Variants in IQSEC2 observed in about 807,000 individuals in gnomAD.
IQSEC2 encodes IQ motif and Sec7 domain ArfGEF 2, also known as IQ motif and SEC7 domain-containing protein 2.
IQSEC2 carries 6 observed loss-of-function variants against 74.6 expected under a neutral mutation model. The observed-to-expected ratio is 0.08, with a 90% CI of 0.04 to 0.16. The LOEUF (loss-of-function observed/expected upper bound fraction) is 0.16, where lower values mean the gene tolerates loss of function less well. Ranked by LOEUF, IQSEC2 falls within the 10% of genes least tolerant of loss-of-function variation. The probability of loss-of-function intolerance (pLI) is 1.00; values close to 1 mark genes in which losing one functional copy is unlikely to be tolerated. For missense variants in IQSEC2, 734 were observed against 1,306.2 expected, an observed-to-expected ratio of 0.56 and a Z score of 6.75; for synonymous variants, 494 against 544.5, an observed-to-expected ratio of 0.91 and a Z score of 1.29.
At chrX:53,300,256 G>A (rs1036345003) in intron 1 of IQSEC2, among the ~76,000 whole-genome samples, 25 of 111,278 alleles carry the variant, frequency 2.2e-4, no homozygotes, top group African/African-American at 8.2e-4. Context: ...TGAGATTTGG[G>A]AAAGCAACAG....
intron 2 of IQSEC2, among the ~76,000 whole-genome samples, chrX:53,270,454 C>T (rs2074725531): frequency 1.8e-5 from 2 of 110,835 alleles, no homozygotes; most frequent in Non-Finnish European, 3.8e-5. Context: ...TCTGGAACAT[C>T]GTCCCTGAGA....
rs781876521 is a variant in IQSEC2 at position 53,250,919 on chromosome X, G to A, written c.1657C>T (p.Pro553Ser). ...PEFWAPAPLPPVPPPVPSGTR... is the reference protein window; with the variant it reads ...PEFWAPAPLPSVPPPVPSGTR... ...CCTGATGGCACTGGTGGAGGAACTG[G>A]CGGGAGAGGGGCTGGCGCCCAGAAC... The change falls in exon 5 of 15, where the codon CCA becomes TCA. Residue 553 changes from proline (P) to serine (S), a missense_variant. This residue lies in a region of IQSEC2 where 204 missense variants were observed against 305.4 expected (regional missense o/e 0.67). Coordinates refer to ENST00000642864, the MANE Select transcript of IQSEC2 (RefSeq NM_001111125.3). 4 of 1,210,417 alleles carry A rather than the reference G, an allele frequency of 3.3e-6. No homozygotes were observed. The highest frequency in any genetic ancestry group is 4.5e-6 in the Non-Finnish European group (4 of 894,383).
At chrX:53,286,991 A>G (rs935057640) in intron 2 of IQSEC2, among the ~76,000 whole-genome samples, 5 of 108,696 alleles carry the variant, frequency 4.6e-5, no homozygotes, top group African/African-American at 1.7e-4. Flanking sequence ...AGAAAAAGAG[A>G]TGACAGGGAC....
intron 2 of IQSEC2, among the ~76,000 whole-genome samples, chrX:53,272,096 C>T (rs1282097743): frequency 9.0e-6 from 1 of 110,525 alleles, no homozygotes; most frequent in Admixed American, 9.7e-5. Context: ...CACACTTCAC[C>T]CTTCTGTCCC....
chrX:53,253,679 C>T (rs1315361723), intron 4 of IQSEC2, among the ~76,000 whole-genome samples: 2 of 112,071 alleles, frequency 1.8e-5, no homozygotes, highest in African/African-American at 6.5e-5. Context: ...TATACTATAG[C>T]CTTTCTCATG....
chrX:53,311,487 A>T (rs906648199), intron 1 of IQSEC2, among the ~76,000 whole-genome samples: 2 of 111,265 alleles, frequency 1.8e-5, no homozygotes, highest in African/African-American at 6.5e-5. Flanking sequence ...ATCATCTCTC[A>T]TCTAGACTGC....
chrX:53,292,087 G>T (rs1556873168), intron 1 of IQSEC2, among the ~76,000 whole-genome samples, 163 bp from the exon 2 acceptor site: 1 of 112,149 alleles, frequency 8.9e-6, no homozygotes, highest in African/African-American at 3.2e-5. Flanking sequence ...CAAGTGCAAG[G>T]CCGAGAGACA....
intron 1 of IQSEC2, among the ~76,000 whole-genome samples, chrX:53,319,130 T>C (rs1419290271): frequency 9.0e-6 from 1 of 110,863 alleles, no homozygotes; most frequent in Non-Finnish European, 1.9e-5. Flanking sequence ...CACGGGGGAG[T>C]TGCAGAGAGC....
intron 1 of IQSEC2, among the ~76,000 whole-genome samples, chrX:53,317,916 C>G (rs1379458229): frequency 8.9e-5 from 10 of 111,919 alleles, no homozygotes; most frequent in African/African-American, 3.3e-4. Flanking sequence ...GGAGACAGAG[C>G]CTTCTTCCCT....
At chrX:53,302,110 G>A (rs1183950285) in intron 1 of IQSEC2, among the ~76,000 whole-genome samples, 1 of 111,910 alleles carries the variant, frequency 8.9e-6, no homozygotes, top group Non-Finnish European at 1.9e-5. Flanking sequence ...GGAGGATTAT[G>A]GTTATAAAGA....
chrX:53,317,406 T>A (rs781992349), intron 1 of IQSEC2, among the ~76,000 whole-genome samples: 8 of 111,227 alleles, frequency 7.2e-5, no homozygotes, highest in Non-Finnish European at 1.1e-4. Context: ...ATGACATGGA[T>A]GGGGGTGGAC....
In IQSEC2 at chrX:53,242,844, T is replaced by C. The variant is rs782391731; in HGVS notation, c.2889+488A>G. Among the ~76,000 whole-genome samples the C allele has an allele frequency of 4.9e-3, 552 of 111,953 alleles. 3 individuals carry two copies. Among genetic ancestry groups the C allele is most frequent in the Non-Finnish European group, 8.3e-3 (439 of 53,108 alleles). On this transcript the variant is annotated intron_variant, in intron 9 of 14. Coordinates refer to ENST00000642864, the MANE Select transcript of IQSEC2 (RefSeq NM_001111125.3). The stretch of plus-strand genomic sequence containing the variant: ...TCCGCCTCCCGGGTTCAAGCAATTC[T>C]CCTGCCTCAGCCTCCTGAGTAGCTG...
chrX:53,240,180 A>C (rs1248139339), intron 10 of IQSEC2, among the ~76,000 whole-genome samples: 1 of 112,062 alleles, frequency 8.9e-6, no homozygotes, highest in African/African-American at 3.3e-5. Context: ...AGAGGAGGAA[A>C]CTAAGGCTCA....
chrX:53,244,587 T>C (rs1358152700), intron 8 of IQSEC2, among the ~76,000 whole-genome samples: 1 of 109,195 alleles, frequency 9.2e-6, no homozygotes, highest in East Asian at 2.8e-4. Flanking sequence ...ACAACCTAAA[T>C]TTTAACAATA....
chrX:53,314,344 A>T (rs782161395), intron 1 of IQSEC2, among the ~76,000 whole-genome samples: 1 of 112,562 alleles, frequency 8.9e-6, no homozygotes, highest in South Asian at 3.7e-4. Context: ...CACCTAACAC[A>T]GAACCTGACA....
At chrX:53,240,897 C>T (rs2074208969) in intron 10 of IQSEC2, among the ~76,000 whole-genome samples, 1 of 110,057 alleles carries the variant, frequency 9.1e-6, no homozygotes. Flanking sequence ...GCCTTGGCCT[C>T]CCCAGTAGCT....
chrX:53,304,083 C>T (rs782262718), intron 1 of IQSEC2, among the ~76,000 whole-genome samples: 25 of 107,257 alleles, frequency 2.3e-4, no homozygotes, highest in African/African-American at 8.5e-4. Context: ...TGCAGTGAGC[C>T]GAGATTGCAC....
chrX:53,267,016 A>AG, intron 2 of IQSEC2: 1 of 1,153,571 alleles, frequency 8.7e-7, no homozygotes, highest in East Asian at 3.3e-5. Flanking sequence ...AGAACTGGTG[A>AG]GCGTCTTCCT....
Position 53,320,761 on chromosome X carries a change from G to A in IQSEC2, c.363C>T (p.Gly121=), listed in dbSNP as rs1178634147. ...ARDVGYPNRE[G]AYQNREAVYR... ...ACACAGCCTCCCGATTCTGGTAGGC[G>A]CCTTCCCGGTTCGGGTAGCCCACGT... Residue 121 remains glycine, a synonymous_variant, in exon 1 of 15, where the codon GGC becomes GGT. Transcript: ENST00000642864. The A allele has an allele frequency of 2.9e-5, 34 of 1,165,715 alleles. No individual in the cohort carries two copies. The highest frequency in any genetic ancestry group is 3.8e-5 in the Non-Finnish European group (33 of 872,259).
Sources: allele counts gnomAD v4.1 joint callset (sites outside exome capture counted in the v4.1 genomes callset), GRCh38; gene constraint gnomAD v4.1.1; regional missense constraint gnomAD v4.1.1; transcripts MANE v1.5; gene names NCBI Gene and HGNC (gene_info 2026-07-23, HGNC 2026-07-21).